The following AGBL1 variants were observed in gnomAD, a reference collection of about 807,000 sequenced individuals.
AGBL1 encodes AGBL carboxypeptidase 1.
A neutral mutation model predicts 118.9 loss-of-function variants in AGBL1; 130 were observed. That is an observed-to-expected ratio of 1.09 (90% CI 0.95 to 1.26). AGBL1 has a LOEUF of 1.26. Among genes scored for constraint, AGBL1 ranks in the 50% most tolerant of loss-of-function variants. The pLI is 0.00. For missense variants in AGBL1, 1,584 were observed against 1,298.1 expected (o/e 1.22, Z -3.38); for synonymous variants, 555 against 478.9 (o/e 1.16, Z -2.08).
chr15:86,632,074 C>A (rs906034468), intron 21 of AGBL1, among the ~76,000 whole-genome samples: 3 of 150,336 alleles, frequency 2.0e-5, no homozygotes, highest in Non-Finnish European at 4.4e-5. Flanking sequence ...GGGCAGTCTG[C>A]GCAAGCCTAG....
At chr15:86,173,625 C>T (rs186242023) in intron 5 of AGBL1, among the ~76,000 whole-genome samples, 15 of 151,856 alleles carry the variant, frequency 9.9e-5, no homozygotes, top group African/African-American at 2.4e-4. Context: ...TTGTATGTGC[C>T]GAGAGGTAGG....
intron 18 of AGBL1, among the ~76,000 whole-genome samples, chr15:86,442,934 C>T (rs1482685014): frequency 6.6e-6 from 1 of 152,238 alleles, no homozygotes; most frequent in Non-Finnish European, 1.5e-5. Context: ...CCACCCCCTG[C>T]TCCTGCCCGC....
chr15:86,616,274 T>G (rs1421079558), intron 21 of AGBL1, among the ~76,000 whole-genome samples: 1 of 146,656 alleles, frequency 6.8e-6, no homozygotes, highest in East Asian at 2.0e-4. Context: ...GAGGCAGAGG[T>G]AGCAATGAGC....
chr15:86,167,438 GTTTCACCAT>G (rs1325082823), intron 5 of AGBL1, among the ~76,000 whole-genome samples: 1 of 152,028 alleles, frequency 6.6e-6, no homozygotes, highest in African/African-American at 2.4e-5. Context: ...TAGAGATGGG[GTTTCACCAT>G]GTTGGCCAGG....
In AGBL1 at chr15:86,270,067, G is replaced by A. The variant is rs1207016911; in HGVS notation, c.1987G>A (p.Gly663Arg). 3 of 1,609,664 alleles carry A rather than the reference G, an allele frequency of 1.9e-6. No homozygotes were observed. The highest frequency in any genetic ancestry group is 2.5e-6 in the Non-Finnish European group (3 of 1,178,000). The change falls in exon 14 of 23, where the codon GGG (glycine) becomes AGG (arginine). Residue 663 changes from glycine to arginine, a missense_variant and splice_region_variant. Physicochemically the swap from Gly to Arg is moderately radical, Grantham distance 125 (BLOSUM62 -2). Transcript: ENST00000614907. ...GAAGCCCAACAGCCAGTTTAATTATGGTATGAACGCTTGGGGAGCAGGGGC... is the reference window on the plus strand; with the variant it reads ...GAAGCCCAACAGCCAGTTTAATTATAGTATGAACGCTTGGGGAGCAGGGGC... ...CEKPNSQFNY[G>R]MQPTLYSVKE...
intron 23 of AGBL1, among the ~76,000 whole-genome samples, chr15:86,961,630 C>T (rs2080993905): frequency 6.6e-6 from 1 of 152,092 alleles, no homozygotes; most frequent in African/African-American, 2.4e-5. Context: ...TGACCACCTC[C>T]ATTTGGCAAC....
chr15:86,773,558 TG>T (rs1336633411), intron 22 of AGBL1, among the ~76,000 whole-genome samples: 1 of 140,962 alleles, frequency 7.1e-6, no homozygotes, highest in Non-Finnish European at 1.5e-5. Flanking sequence ...TGTGTCCATG[TG>T]TTCTCATTGT....
At chr15:86,522,089 C>T (rs1188174535) in intron 18 of AGBL1, among the ~76,000 whole-genome samples, 1 of 152,170 alleles carries the variant, frequency 6.6e-6, no homozygotes, top group Non-Finnish European at 1.5e-5. Context: ...CTTTCACTAC[C>T]AGCTAGGTCA....
chr15:86,513,598 T>C (rs1414712816), intron 18 of AGBL1, among the ~76,000 whole-genome samples: 1 of 152,090 alleles, frequency 6.6e-6, no homozygotes, highest in African/African-American at 2.4e-5. Context: ...CCACTAACTT[T>C]AGCTACATTG....
chr15:86,574,379 T>C (rs2084052550), intron 21 of AGBL1, among the ~76,000 whole-genome samples: 1 of 151,982 alleles, frequency 6.6e-6, no homozygotes, highest in Admixed American at 6.6e-5. Context: ...TTGGCTTTGC[T>C]CTCTAGTAGC....
At chr15:86,205,564 T>C (rs2077978086) in intron 5 of AGBL1, among the ~76,000 whole-genome samples, 1 of 152,254 alleles carries the variant, frequency 6.6e-6, no homozygotes, top group South Asian at 2.1e-4. Context: ...CCGTTTTGCA[T>C]TCGCATCAGC....
chr15:87,030,760 C>A (rs1177187323), downstream of AGBL1, among the ~76,000 whole-genome samples: 1 of 151,906 alleles, frequency 6.6e-6, no homozygotes, highest in Non-Finnish European at 1.5e-5. Context: ...TGAATAAAAT[C>A]CACTTTTTCT....
intron 5 of AGBL1, among the ~76,000 whole-genome samples, chr15:86,195,231 C>T (rs376968138): frequency 7.2e-5 from 11 of 152,094 alleles, no homozygotes; most frequent in Non-Finnish European, 1.5e-4. Context: ...CCCACAAATC[C>T]TTGTAAAATC....
chr15:86,488,474 C>T (rs1161843774), intron 18 of AGBL1, among the ~76,000 whole-genome samples: 4 of 151,960 alleles, frequency 2.6e-5, no homozygotes, highest in Non-Finnish European at 2.9e-5. Flanking sequence ...TTGAGGGTGA[C>T]GTGATGGTAA....
intron 22 of AGBL1, among the ~76,000 whole-genome samples, chr15:86,902,638 A>G (rs2080226859): frequency 6.6e-6 from 1 of 152,122 alleles, no homozygotes; most frequent in African/African-American, 2.4e-5. Flanking sequence ...GAATGTTTTA[A>G]GTTTCCCTTC....
At chr15:86,616,596 G>T (rs1391783138) in intron 21 of AGBL1, among the ~76,000 whole-genome samples, 2 of 152,090 alleles carry the variant, frequency 1.3e-5, no homozygotes, top group Non-Finnish European at 2.9e-5. Flanking sequence ...TGTTGACCCT[G>T]GCACAGCTTT....
chr15:86,265,403 C>A (rs925785060), intron 11 of AGBL1, among the ~76,000 whole-genome samples: 1 of 152,078 alleles, frequency 6.6e-6, no homozygotes, highest in African/African-American at 2.4e-5. Context: ...ATAGATTATT[C>A]CCAGAAGGCA....
intron 21 of AGBL1, among the ~76,000 whole-genome samples, chr15:86,628,316 A>G (rs2084918018): frequency 6.6e-6 from 1 of 152,136 alleles, no homozygotes; most frequent in South Asian, 2.1e-4. Context: ...ATATCCCTGT[A>G]TATTCAGTTA....
chr15:86,708,175 G>T (rs1246895818), intron 22 of AGBL1, among the ~76,000 whole-genome samples: 5 of 152,028 alleles, frequency 3.3e-5, no homozygotes, highest in Admixed American at 1.3e-4. Context: ...TTACATTAGG[G>T]GTTAAAGTTG....
Sources: allele counts gnomAD v4.1 joint callset (sites outside exome capture counted in the v4.1 genomes callset), GRCh38; gene constraint gnomAD v4.1.1; transcripts MANE v1.5; gene names NCBI Gene and HGNC (gene_info 2026-07-23, HGNC 2026-07-21).